The following ENPP1 variants were observed in gnomAD, a reference collection of about 807,000 sequenced individuals.
The protein encoded by ENPP1 is ectonucleotide pyrophosphatase/phosphodiesterase family member 1.
In ENPP1, 73 loss-of-function variants were observed where a neutral mutation model predicts 122.8. That is an observed-to-expected ratio of 0.59 (90% CI 0.49 to 0.72). ENPP1 has a LOEUF of 0.72. Ranked by LOEUF, ENPP1 falls within the 30% of genes least tolerant of loss-of-function variation. ENPP1 has a pLI of 0.00. For synonymous variants in ENPP1, 367 were observed against 391.6 expected (o/e 0.94, Z 0.74); for missense variants, 978 against 1,128.1 (o/e 0.87, Z 1.91).
intron 1 of ENPP1, chr6:131,827,069 G>A: frequency 1.6e-6 from 1 of 616,816 alleles, no homozygotes; most frequent in Non-Finnish European, 3.0e-6. Context: ...TCACCTCCAG[G>A]GTCTGCTCCA....
chr6:131,850,140 G>C, intron 3 of ENPP1, 34 bp downstream of exon 3: 3 of 1,349,464 alleles, frequency 2.2e-6, no homozygotes, highest in South Asian at 2.3e-5. Flanking sequence ...TGGAGTTATG[G>C]TCATTAGGAA....
intron 1 of ENPP1, among the ~76,000 whole-genome samples, chr6:131,808,577 G>A (rs1781311447): frequency 6.6e-6 from 1 of 152,214 alleles, no homozygotes; most frequent in Non-Finnish European, 1.5e-5. Flanking sequence ...AGGAGAGTAC[G>A]GGTTTTTAGA....
Position 131,827,122 on chromosome 6 carries a change from G to A in ENPP1, c.240+18847G>A, listed in dbSNP as rs764155930. ...TCGGTGAACTCAAAGACATTTGTCTGGAAGACTGTTGAGCATAAAAAGATG... is the reference window on the plus strand; with the variant it reads ...TCGGTGAACTCAAAGACATTTGTCTAGAAGACTGTTGAGCATAAAAAGATG... On this transcript the variant is annotated intron_variant, in intron 1 of 24. Coordinates refer to ENST00000647893, the MANE Select transcript of ENPP1 (RefSeq NM_006208.3). 4.0e-5 allele frequency: 28 copies of A among 705,938 alleles called. 1 individual carries two copies. Among genetic ancestry groups the A allele is most frequent in the Non-Finnish European group, 4.5e-5 (17 of 374,766 alleles). The allele number at this position is 705,938 out of a possible 1,614,324, so 43.7% of individuals were successfully genotyped here. A position where few individuals can be genotyped will look rare whatever the true frequency, so the allele number is the denominator to read the frequency against.
chr6:131,816,497 A>G (rs1000256451), intron 1 of ENPP1, among the ~76,000 whole-genome samples: 1 of 152,204 alleles, frequency 6.6e-6, no homozygotes, highest in Non-Finnish European at 1.5e-5. Flanking sequence ...CCAGCTCGAA[A>G]ATCCCTTGTC....
chr6:131,829,669 G>T (rs1376577067), intron 1 of ENPP1, among the ~76,000 whole-genome samples: 1 of 152,202 alleles, frequency 6.6e-6, no homozygotes, highest in Admixed American at 6.5e-5. Context: ...AGAGCTAACG[G>T]TCAAACAGGG....
At chr6:131,854,406 C>CT (rs1781919682) in intron 5 of ENPP1, among the ~76,000 whole-genome samples, 1 of 151,890 alleles carries the variant, frequency 6.6e-6, no homozygotes, top group Non-Finnish European at 1.5e-5. Flanking sequence ...GAGTGAGACT[C>CT]TGTCTCAAAA....
At chr6:131,860,268 A>T in intron 7 of ENPP1, 119 bp from the exon 8 acceptor site, 2 of 806,654 alleles carry the variant, frequency 2.5e-6, no homozygotes, top group Non-Finnish European at 2.0e-6. Flanking sequence ...TTCTTTCCTT[A>T]AACTTATTAT....
intron 24 of ENPP1, among the ~76,000 whole-genome samples, chr6:131,888,143 T>C (rs1458741679): frequency 1.3e-5 from 2 of 152,098 alleles, no homozygotes; most frequent in Non-Finnish European, 2.9e-5. Flanking sequence ...GTTACAGTCA[T>C]GAGCCACTGT....
chr6:131,831,136 A>AG, intron 1 of ENPP1, among the ~76,000 whole-genome samples: 1 of 148,846 alleles, frequency 6.7e-6, no homozygotes, highest in Non-Finnish European at 1.5e-5. Flanking sequence ...AAAAAAAAAA[A>AG]AGAAAAGAAA....
chr6:131,888,694 G>A (rs1040024495), intron 24 of ENPP1, among the ~76,000 whole-genome samples: 29 of 152,192 alleles, frequency 1.9e-4, no homozygotes, highest in African/African-American at 7.0e-4. Context: ...ATACAGAATA[G>A]CAAGATTTTA....
chr6:131,852,313 A>G (rs1781892731), intron 5 of ENPP1, 78 bp downstream of exon 5: 5 of 846,268 alleles, frequency 5.9e-6, no homozygotes, highest in South Asian at 5.7e-5. Context: ...AATTAAGATG[A>G]TAAAAATAAT....
At chr6:131,815,704 CTT>C (rs547064410) in intron 1 of ENPP1, among the ~76,000 whole-genome samples, 8 of 140,644 alleles carry the variant, frequency 5.7e-5, no homozygotes, top group Non-Finnish European at 7.8e-5. Context: ...ATCTATCAGC[CTT>C]TTTTTTTTTT....
chr6:131,881,748 T>TG (rs1450927445), intron 20 of ENPP1, among the ~76,000 whole-genome samples: 1 of 151,922 alleles, frequency 6.6e-6, no homozygotes, highest in Non-Finnish European at 1.5e-5. Flanking sequence ...CCAGGCGTGG[T>TG]GGGTCACACC....
chr6:131,854,820 T>C, intron 5 of ENPP1, 106 bp from the exon 6 acceptor site: 3 of 792,932 alleles, frequency 3.8e-6, no homozygotes, highest in Non-Finnish European at 6.7e-6. Context: ...ACACAGACCT[T>C]AGTGGAAAAT....
chr6:131,870,971 A>G (rs1782154856), intron 13 of ENPP1, among the ~76,000 whole-genome samples: 1 of 152,000 alleles, frequency 6.6e-6, no homozygotes, highest in South Asian at 2.1e-4. Context: ...AGCTACTGGG[A>G]AGGCTGAGGC....
chr6:131,868,214 A>G, intron 12 of ENPP1, 88 bp downstream of exon 12: 1 of 948,758 alleles, frequency 1.1e-6, no homozygotes, highest in South Asian at 1.3e-5. Flanking sequence ...TGAATGTTGT[A>G]GTTAATTCTT....
chr6:131,827,381 A>G, intron 1 of ENPP1: 1 of 811,554 alleles, frequency 1.2e-6, no homozygotes, highest in Non-Finnish European at 2.2e-6. Context: ...TTAACACCTC[A>G]AAGGAATATT....
chr6:131,850,087 G>A lies in ENPP1; in HGVS notation c.411G>A (p.Gln137=). ...TTGGAAACTGCTGTTTAGATTACCA[G>A]GAGACGTGCATAGAACCAGGTAAGG... ...VELGNCCLDY[Q]ETCIEPEHIW... is the part of the protein sequence containing the mutation. The change falls in exon 3 of 25, where the codon CAG becomes CAA. Residue 137 remains glutamine, a synonymous_variant. Coordinates refer to ENST00000647893, the MANE Select transcript of ENPP1 (RefSeq NM_006208.3). The A allele has an allele frequency of 6.2e-7, 1 of 1,611,178 alleles. No individual in the cohort carries two copies. The highest frequency in any genetic ancestry group is 8.5e-7 in the Non-Finnish European group (1 of 1,177,350).
intron 7 of ENPP1, among the ~76,000 whole-genome samples, chr6:131,860,099 A>G (rs755852142): frequency 1.1e-4 from 17 of 152,182 alleles, no homozygotes; most frequent in Non-Finnish European, 1.5e-4. Context: ...TGCTGAGATT[A>G]TAAGTGTGAG....
Sources: allele counts gnomAD v4.1 joint callset (sites outside exome capture counted in the v4.1 genomes callset), GRCh38; gene constraint gnomAD v4.1.1; transcripts MANE v1.5; gene names NCBI Gene and HGNC (gene_info 2026-07-23, HGNC 2026-07-21).